Variants in RSPH6A observed in about 807,000 individuals in gnomAD.
RSPH6A encodes radial spoke head protein 6 homolog A.
Under a neutral mutation model 66.1 loss-of-function variants are expected in RSPH6A, and 49 were observed. The observed-to-expected ratio is 0.74, with a 90% CI of 0.59 to 0.94. The LOEUF (loss-of-function observed/expected upper bound fraction) is 0.94. Ranked by LOEUF, RSPH6A falls within the 40% of genes least tolerant of loss-of-function variation. RSPH6A has a pLI of 0.00. For missense variants in RSPH6A, 977 were observed against 948.3 expected, an observed-to-expected ratio of 1.03 and a Z score of -0.40; for synonymous variants, 419 against 402.4, an observed-to-expected ratio of 1.04 and a Z score of -0.49.
rs759185798 is a variant in RSPH6A, at chr19:45,802,824, C to CT, written c.1654-561dup. ...ACCTGGCCCACTCATTGATTCTTTT[C>CT]TTTTTTTTTTTTGAGATGGAGTCTG... is the stretch of plus-strand genomic sequence containing the variant. On this transcript the variant is annotated intron_variant, in intron 3 of 5. Coordinates refer to ENST00000221538, the MANE Select transcript of RSPH6A (RefSeq NM_030785.4). Among the ~76,000 whole-genome samples, 1,041 of 130,648 alleles carry CT rather than the reference C, an allele frequency of 8.0e-3. 7 individuals carry two copies. The highest frequency in any genetic ancestry group is 0.013 in the Non-Finnish European group (775 of 60,458). 85.7% of individuals were successfully genotyped at this position (130,648 alleles called of 152,430 possible). A position where few individuals can be genotyped will look rare whatever the true frequency, so the allele number is the denominator to read the frequency against.
Position 45,804,995 on chromosome 19 carries a change from T to A in RSPH6A, c.910A>T (p.Ile304Phe). Residue 304 changes from isoleucine to phenylalanine, a missense_variant, in exon 3 of 6, where the codon ATC becomes TTC. By Grantham distance (21) the Ile-to-Phe change is conservative. Transcript: ENST00000221538. The surrounding 1 kb of genome is among the most constrained non-coding windows in gnomAD (Gnocchi z 5.8). ...EEVGETPVPN[I>F]METAFYFEQA... ...TCGAAGTAGAAGGCAGTCTCCATGA[T>A]GTTGGGCACTGGTGTCTCCCCCTGC... The A allele has an allele frequency of 3.1e-6, 5 of 1,611,500 alleles. No individual in the cohort carries two copies. The highest frequency in any genetic ancestry group is 4.2e-6 in the Non-Finnish European group (5 of 1,179,798).
At chr19:45,797,890 G>A (rs1351883283) in intron 5 of RSPH6A, among the ~76,000 whole-genome samples, 3 of 151,840 alleles carry the variant, frequency 2.0e-5, no homozygotes, top group African/African-American at 7.3e-5. Context: ...AAAAATCCCT[G>A]GGTTGTGCCT....
intron 4 of RSPH6A, among the ~76,000 whole-genome samples, chr19:45,800,956 C>T (rs1482171536): frequency 6.6e-6 from 1 of 152,058 alleles, no homozygotes; most frequent in Non-Finnish European, 1.5e-5. Context: ...CACCACCACG[C>T]CCGGCTAATT....
At position 45,814,632 on chromosome 19, in the gene RSPH6A, A is replaced by C; in HGVS notation, c.545T>G (p.Phe182Cys). 6.2e-7 allele frequency: 1 copy of C among 1,603,996 alleles called. No individual in the cohort carries two copies. The highest frequency in any genetic ancestry group is 8.5e-7 in the Non-Finnish European group (1 of 1,174,922). ...AGGCACCTGGGCACTGTAGTGTGGG[A>C]AGCCCAGCTCAGAGGGCAAGAACTG... ...ALQFLPSELGFPHYSAQVPEP... is the reference protein window; with the variant it reads ...ALQFLPSELGCPHYSAQVPEP... The change falls in exon 1 of 6, where the codon TTC (phenylalanine) becomes TGC (cysteine). Residue 182 changes from phenylalanine (F) to cysteine (C), a missense_variant. Physicochemically the swap from Phe to Cys is radical, Grantham distance 205. Transcript: ENST00000221538.
chr19:45,809,862 G>T (rs906648108), intron 2 of RSPH6A, among the ~76,000 whole-genome samples: 1 of 152,216 alleles, frequency 6.6e-6, no homozygotes, highest in African/African-American at 2.4e-5. Flanking sequence ...CTAGCCGTCT[G>T]GAAGACAGAA....
rs188003243 is a variant in RSPH6A at position 45,804,167 on chromosome 19, G to A, written c.1653+85C>T. 666 of 1,070,792 alleles carry A rather than the reference G, an allele frequency of 6.2e-4. 3 individuals carry two copies. In the African/African-American group the frequency reaches 9.2e-3, roughly 15 times the overall value. 66.3% of individuals were successfully genotyped at this position (1,070,792 alleles called of 1,614,324 possible). ...ATGAATATTAGTTGCCCAGCAGAGAGTAAGAGCTTGATGTCAGTATTGCAG... is the reference window on the plus strand; with the variant it reads ...ATGAATATTAGTTGCCCAGCAGAGAATAAGAGCTTGATGTCAGTATTGCAG... On this transcript the variant is annotated intron_variant, in intron 3 of 5. Transcript: ENST00000221538. This position sits in a 1 kb window ranked among gnomAD's most constrained non-coding sequence, Gnocchi z 5.8.
At chr19:45,801,796 C>T (rs1970477587) in intron 4 of RSPH6A, among the ~76,000 whole-genome samples, 1 of 150,334 alleles carries the variant, frequency 6.7e-6, no homozygotes, top group African/African-American at 2.4e-5. Context: ...ACCACCACCA[C>T]ACACACACAC....
intron 2 of RSPH6A, 59 bp downstream of exon 2, chr19:45,810,544 T>C (rs1970610237): frequency 6.0e-6 from 9 of 1,505,896 alleles, no homozygotes; most frequent in Non-Finnish European, 7.4e-6. Flanking sequence ...GGCTGTGCCC[T>C]AAGTATGCTT....
rs138579958 is a variant in RSPH6A at position 45,804,668 on chromosome 19, C to G, written c.1237G>C (p.Val413Leu). Reference protein sequence around the residue: ...VPKSVWKPPPVIPKEESRSGA... With the variant: ...VPKSVWKPPPLIPKEESRSGA... ...GAGCGGCTCTCCTCCTTGGGGATCA[C>G]GGGCGGCGGCTTCCATACGGACTTA... The change falls in exon 3 of 6, where the codon GTG (valine) becomes CTG (leucine). Residue 413 changes from valine to leucine, a missense_variant. By Grantham distance (32) the Val-to-Leu change is conservative. Transcript: ENST00000221538. This position sits in a 1 kb window ranked among gnomAD's most constrained non-coding sequence, Gnocchi z 5.8. The G allele has an allele frequency of 5.0e-6, 8 of 1,613,992 alleles. No homozygotes were observed. Among genetic ancestry groups the G allele is most frequent in the Non-Finnish European group, 6.8e-6 (8 of 1,180,040 alleles).
intron 2 of RSPH6A, among the ~76,000 whole-genome samples, chr19:45,808,339 A>C (rs1249813274): frequency 1.3e-5 from 2 of 152,214 alleles, no homozygotes; most frequent in Non-Finnish European, 2.9e-5. Flanking sequence ...AGGCAGGAGA[A>C]TAGCTTGAAC....
At chr19:45,803,373 C>T (rs1318396714) in intron 3 of RSPH6A, among the ~76,000 whole-genome samples, 2 of 150,868 alleles carry the variant, frequency 1.3e-5, no homozygotes, top group African/African-American at 2.4e-5. Flanking sequence ...AAGCAAGTTG[C>T]TATGTCTTAA....
rs541419600 is a variant in RSPH6A at position 45,814,144 on chromosome 19, G to C, written c.650+383C>G. ...ACTGTGCTCCAGCCTGGGTGACAGG[G>C]TGAGACTATGTCTGGGGGAAAAAAA... On this transcript the variant is annotated intron_variant, in intron 1 of 5. Coordinates refer to ENST00000221538, the MANE Select transcript of RSPH6A (RefSeq NM_030785.4). Among the ~76,000 whole-genome samples, 3 of 152,242 alleles carry C rather than the reference G, an allele frequency of 2.0e-5. No homozygotes were observed. The East Asian group carries it at 5.8e-4, about 29-fold the overall frequency.
intron 4 of RSPH6A, among the ~76,000 whole-genome samples, chr19:45,801,338 A>G (rs974520732): frequency 6.6e-6 from 1 of 152,216 alleles, no homozygotes; most frequent in Non-Finnish European, 1.5e-5. Context: ...TGCAGAGGGA[A>G]GGGCACAGGC....
intron 1 of RSPH6A, among the ~76,000 whole-genome samples, chr19:45,811,277 C>T (rs1275286408): frequency 2.0e-5 from 3 of 152,036 alleles, no homozygotes; most frequent in African/African-American, 7.2e-5. Flanking sequence ...CAGGCGTGAG[C>T]CACCGCGCCT....
At chr19:45,803,133 T>G (rs369088831) in intron 3 of RSPH6A, among the ~76,000 whole-genome samples, 2 of 143,666 alleles carry the variant, frequency 1.4e-5, no homozygotes, top group Non-Finnish European at 3.0e-5. Context: ...GGCGTGAACC[T>G]AGGAGGCAGA....
intron 4 of RSPH6A, among the ~76,000 whole-genome samples, chr19:45,801,018 G>C (rs1240859101): frequency 6.6e-6 from 1 of 151,970 alleles, no homozygotes; most frequent in African/African-American, 2.4e-5. Flanking sequence ...AGCTGGTCTC[G>C]AACTCCTGAC....
At chr19:45,797,203 C>T (rs1367711292) in intron 5 of RSPH6A, among the ~76,000 whole-genome samples, 3 of 151,428 alleles carry the variant, frequency 2.0e-5, no homozygotes, top group East Asian at 2.0e-4. Flanking sequence ...GGTGAAACCC[C>T]GTCTCTACTA....
At chr19:45,808,592 C>G (rs1568600592) in intron 2 of RSPH6A, among the ~76,000 whole-genome samples, 1 of 136,160 alleles carries the variant, frequency 7.3e-6, no homozygotes, top group African/African-American at 2.7e-5. Context: ...GACTCCATCT[C>G]AAAAAAAATG....
intron 5 of RSPH6A, among the ~76,000 whole-genome samples, chr19:45,796,720 C>G (rs992949830): frequency 6.6e-6 from 1 of 151,902 alleles, no homozygotes; most frequent in Non-Finnish European, 1.5e-5. Flanking sequence ...ACCATGTTAG[C>G]CAGGCTGGTC....
Sources: gnomAD v4.1 joint callset for allele counts (sites outside exome capture counted in the v4.1 genomes callset) on GRCh38, gnomAD v4.1.1 for gene constraint, Gnocchi (gnomAD v3.1) non-coding constraint, MANE v1.5 for transcripts, NCBI Gene and HGNC (gene_info 2026-07-23, HGNC 2026-07-21) for gene names.